The following AFG2A variants were observed in gnomAD, a reference collection of about 807,000 sequenced individuals.
The protein encoded by AFG2A is AAA ATPase AFG2A.
chr4:123,007,642 A>ATAT, the AFG2A span, among the ~76,000 whole-genome samples: 38 of 25,518 alleles, frequency 1.5e-3, 1 homozygote, highest in East Asian at 7.2e-3. Flanking sequence ...ACACACACAC[A>ATAT]ACACACACAC....
At chr4:122,974,934 C>T in the AFG2A span, among the ~76,000 whole-genome samples, 1 of 152,148 alleles carries the variant, frequency 6.6e-6, no homozygotes, top group Non-Finnish European at 1.5e-5. Flanking sequence ...GCCACCACAC[C>T]TGGCCATAAA....
At chr4:123,227,733 G>A in the AFG2A span, among the ~76,000 whole-genome samples, 2 of 152,132 alleles carry the variant, frequency 1.3e-5, no homozygotes, top group Non-Finnish European at 2.9e-5. Flanking sequence ...AGGTCCACTT[G>A]GTTAAGAGCT....
At chr4:123,059,952 T>C in the AFG2A span, among the ~76,000 whole-genome samples, 145 of 151,014 alleles carry the variant, frequency 9.6e-4, no homozygotes, top group African/African-American at 3.2e-3. Context: ...TAAATGTCTT[T>C]TTTTGAGAAG....
the AFG2A span, among the ~76,000 whole-genome samples, chr4:123,229,661 G>A: frequency 6.6e-6 from 1 of 151,972 alleles, no homozygotes; most frequent in Non-Finnish European, 1.5e-5. Context: ...AAGATGCACA[G>A]TTCTTAGGTT....
the AFG2A span, among the ~76,000 whole-genome samples, chr4:122,992,980 G>GTGTGTGTGTA: frequency 3.7e-4 from 56 of 151,380 alleles, no homozygotes; most frequent in East Asian, 9.9e-3. Context: ...GTGTGTATGT[G>GTGTGTGTGTA]TGTGTGTGTG....
the AFG2A span, among the ~76,000 whole-genome samples, chr4:122,926,151 T>A: frequency 6.6e-6 from 1 of 152,262 alleles, no homozygotes; most frequent in East Asian, 1.9e-4. Context: ...ATGATTACCA[T>A]TGAAAGACAA....
At chr4:123,083,532 C>G in the AFG2A span, among the ~76,000 whole-genome samples, 1 of 151,090 alleles carries the variant, frequency 6.6e-6, no homozygotes, top group African/African-American at 2.4e-5. Flanking sequence ...TGGAATAAAT[C>G]CCACTTTATA....
chr4:123,161,845 A>G, the AFG2A span, among the ~76,000 whole-genome samples: 2 of 152,188 alleles, frequency 1.3e-5, no homozygotes, highest in African/African-American at 4.8e-5. Flanking sequence ...TATATGAGTG[A>G]TATTGTAATG....
the AFG2A span, among the ~76,000 whole-genome samples, chr4:123,024,786 A>G: frequency 6.6e-6 from 1 of 152,124 alleles, no homozygotes; most frequent in African/African-American, 2.4e-5. Context: ...TGGATTTCTA[A>G]AAGACAGTAG....
At chr4:123,095,710 T>TA in the AFG2A span, among the ~76,000 whole-genome samples, 146,317 of 151,110 alleles carry the variant, frequency 0.97, 70,873 homozygotes, top group East Asian at 1. Context: ...TAAAACTGAT[T>TA]AAAAAAAAAG....
At chr4:123,124,482 C>G in the AFG2A span, among the ~76,000 whole-genome samples, 1 of 152,052 alleles carries the variant, frequency 6.6e-6, no homozygotes, top group Non-Finnish European at 1.5e-5. Context: ...ATACCAGGGC[C>G]TGTTGTGGGG....
chr4:123,007,596 GTGTGTGTGTGTGTATATA>G, the AFG2A span, among the ~76,000 whole-genome samples: 1 of 8,178 alleles, frequency 1.2e-4, no homozygotes, highest in South Asian at 3.5e-3. Context: ...GTGTGTGTGT[GTGTGTGTGTGTGTATATA>G]TATATATATA....
At chr4:123,060,770 T>C in the AFG2A span, among the ~76,000 whole-genome samples, 2 of 152,200 alleles carry the variant, frequency 1.3e-5, no homozygotes, top group African/African-American at 4.8e-5. Flanking sequence ...TCCTTGTTAC[T>C]TAAGCAAATT....
chr4:123,060,367 G>T, the AFG2A span, among the ~76,000 whole-genome samples: 1 of 152,198 alleles, frequency 6.6e-6, no homozygotes, highest in African/African-American at 2.4e-5. Flanking sequence ...GTTCTCATAA[G>T]GGCCCTGCCC....
At chr4:123,186,471 T>C in the AFG2A span, among the ~76,000 whole-genome samples, 1 of 152,200 alleles carries the variant, frequency 6.6e-6, no homozygotes, top group Non-Finnish European at 1.5e-5. Context: ...GTTGTTCAAA[T>C]AGAAGTTGGT....
At chr4:123,317,622 G>T in the AFG2A span, 1 of 152,176 alleles carries the variant, frequency 6.6e-6, no homozygotes, top group Non-Finnish European at 1.5e-5. Context: ...GTCTCACATT[G>T]ATGCAGTGAG....
the AFG2A span, chr4:123,313,744 G>A: frequency 1.5e-6 from 1 of 681,740 alleles, no homozygotes; most frequent in South Asian, 3.2e-5. Context: ...GAAAACTTGA[G>A]TGGACTAATT....
the AFG2A span, chr4:123,314,175 A>T: frequency 1.1e-6 from 1 of 887,940 alleles, no homozygotes; most frequent in African/African-American, 1.7e-5. Context: ...TGTTTGAAGT[A>T]TGTTCAGTAG....
chr4:123,044,676 T>C, the AFG2A span, among the ~76,000 whole-genome samples: 1 of 152,172 alleles, frequency 6.6e-6, no homozygotes, highest in Non-Finnish European at 1.5e-5. Flanking sequence ...ATTTTTAAAA[T>C]AATACATCTT....
Sources: allele counts gnomAD v4.1 joint callset (sites outside exome capture counted in the v4.1 genomes callset), GRCh38; gene constraint gnomAD v4.1.1; transcripts MANE v1.5; gene names NCBI Gene and HGNC (gene_info 2026-07-23, HGNC 2026-07-21).